ZPBP: variants seen among roughly 807,000 people sequenced by gnomAD.
ZPBP encodes the protein zona pellucida-binding protein 1.
In ZPBP, 26 loss-of-function variants were observed where a neutral mutation model predicts 44.8. The observed-to-expected ratio is 0.58, with a 90% confidence interval of 0.43 to 0.81. ZPBP has a LOEUF of 0.81. ZPBP is among the 30% of genes least tolerant of loss of function. The probability of loss-of-function intolerance (pLI) is 0.00; values close to 1 mark genes in which losing one functional copy is unlikely to be tolerated. For missense variants in ZPBP, 409 were observed against 434.0 expected (o/e 0.94, Z 0.51); for synonymous variants, 174 against 153.2 (o/e 1.14, Z -1.00).
At chr7:50,077,668 G>A (rs1349547764) in intron 3 of ZPBP, among the ~76,000 whole-genome samples, 1 of 151,852 alleles carries the variant, frequency 6.6e-6, no homozygotes, top group Non-Finnish European at 1.5e-5. Context: ...AATCGTCAAA[G>A]AAATGCAAAT....
chr7:49,880,095 C>A (rs982309418), intron 2 of ZPBP, among the ~76,000 whole-genome samples: 1 of 152,072 alleles, frequency 6.6e-6, no homozygotes, highest in Non-Finnish European at 1.5e-5. Flanking sequence ...ATAATAACTC[C>A]CGTTAGATTT....
At chr7:49,980,538 A>G (rs187668609) in intron 7 of ZPBP, among the ~76,000 whole-genome samples, 7 of 151,806 alleles carry the variant, frequency 4.6e-5, no homozygotes, top group Admixed American at 2.0e-4. Flanking sequence ...GCATTCGGTG[A>G]GGGCCTCGGG....
chr7:49,902,259 T>C (rs1356089123), intron 1 of ZPBP, among the ~76,000 whole-genome samples: 2 of 151,866 alleles, frequency 1.3e-5, no homozygotes, highest in Non-Finnish European at 2.9e-5. Context: ...AACCACAGAC[T>C]GGAAGAAAAC....
chr7:50,045,938 C>T (rs1206466872), intron 4 of ZPBP, among the ~76,000 whole-genome samples: 1 of 151,978 alleles, frequency 6.6e-6, no homozygotes, highest in Non-Finnish European at 1.5e-5. Context: ...GGTACTGGTA[C>T]CAAAACAGAT....
rs553550846 is a variant in ZPBP at position 49,904,735 on chromosome 7, A to C, written n.412-3520T>G. 2.2e-3 allele frequency among the ~76,000 whole-genome samples: 228 copies of C among 101,842 alleles called. 3 individuals are homozygous for C. The highest frequency in any genetic ancestry group is 7.5e-3 in the African/African-American group (219 of 29,274). 66.8% of individuals were successfully genotyped at this position (101,842 alleles called of 152,430 possible). A position where few individuals can be genotyped will look rare whatever the true frequency, so the allele number is the denominator to read the frequency against. On this transcript the variant is annotated intron_variant and non_coding_transcript_variant, in intron 1 of 2. Coordinates refer to the ZPBP transcript ENST00000465922. ...AAAAAATAGCAACATAGCATATATT[A>C]ATTTTTTTTTTTTTTTTTGAGATGG...
intron 5 of ZPBP, among the ~76,000 whole-genome samples, chr7:50,022,873 G>A (rs981514239): frequency 2.0e-5 from 3 of 152,054 alleles, no homozygotes; most frequent in Non-Finnish European, 2.9e-5. Flanking sequence ...GAAGTTCAGA[G>A]TGGACAAGCT....
intron 6 of ZPBP, among the ~76,000 whole-genome samples, chr7:49,991,866 T>C (rs1482335776): frequency 5.3e-5 from 8 of 151,898 alleles, no homozygotes; most frequent in Non-Finnish European, 2.9e-5. Flanking sequence ...ACACAGATTT[T>C]GTGTAGACAC....
At chr7:50,051,741 T>C (rs1800708171) in intron 4 of ZPBP, among the ~76,000 whole-genome samples, 1 of 151,974 alleles carries the variant, frequency 6.6e-6, no homozygotes, top group African/African-American at 2.4e-5. Context: ...TTCTCACTTA[T>C]AAGTGGGAGC....
intron 3 of ZPBP, among the ~76,000 whole-genome samples, chr7:50,068,787 C>T (rs1801673414): frequency 6.6e-6 from 1 of 152,164 alleles, no homozygotes; most frequent in Non-Finnish European, 1.5e-5. Context: ...TTACAAACAC[C>T]ATATTCACAA....
chr7:49,912,358 T>C, intron 1 of ZPBP: 4 of 619,562 alleles, frequency 6.5e-6, no homozygotes, highest in Non-Finnish European at 1.0e-5. Context: ...GAAATGGATA[T>C]ATTTCAAAAC....
At chr7:49,932,237 G>A (rs1393803153) in intron 1 of ZPBP, among the ~76,000 whole-genome samples, 2 of 152,208 alleles carry the variant, frequency 1.3e-5, no homozygotes, top group Non-Finnish European at 2.9e-5. Flanking sequence ...CCCAACCCCA[G>A]AATGGTAGAA....
At chr7:50,050,135 A>G (rs927077278) in intron 4 of ZPBP, among the ~76,000 whole-genome samples, 7 of 152,150 alleles carry the variant, frequency 4.6e-5, no homozygotes, top group African/African-American at 1.7e-4. Context: ...TACCATGCTC[A>G]TAAACTAGAA....
At chr7:50,083,815 C>T (rs769602987) in intron 2 of ZPBP, among the ~76,000 whole-genome samples, 79 of 151,650 alleles carry the variant, frequency 5.2e-4, no homozygotes, top group Non-Finnish European at 9.4e-4. Flanking sequence ...TACCTCTTAC[C>T]GTATATAAAA....
chr7:49,987,402 A>G (rs1235927905), intron 6 of ZPBP, among the ~76,000 whole-genome samples: 1 of 152,136 alleles, frequency 6.6e-6, no homozygotes, highest in Non-Finnish European at 1.5e-5. Context: ...TGGGTGCATG[A>G]GAGGCCCCAA....
chr7:49,882,344 TAGAAAA>T (rs1791704428), intron 2 of ZPBP, among the ~76,000 whole-genome samples: 1 of 152,102 alleles, frequency 6.6e-6, no homozygotes, highest in African/African-American at 2.4e-5. Context: ...AAAAGCAAAT[TAGAAAA>T]AGAAAAACAT....
At chr7:49,930,585 CG>C (rs747793401) in intron 1 of ZPBP, among the ~76,000 whole-genome samples, 72 of 152,122 alleles carry the variant, frequency 4.7e-4, no homozygotes, top group Non-Finnish European at 4.7e-4. Flanking sequence ...GACTTAAAAA[CG>C]ATACTGGAGA....
At chr7:50,026,976 G>A (rs1799366087) in intron 5 of ZPBP, among the ~76,000 whole-genome samples, 1 of 151,956 alleles carries the variant, frequency 6.6e-6, no homozygotes, top group South Asian at 2.1e-4. Context: ...AATAGACAGA[G>A]CCAAATTCTA....
At chr7:50,042,980 C>G (rs535423479) in intron 4 of ZPBP, among the ~76,000 whole-genome samples, 12 of 152,256 alleles carry the variant, frequency 7.9e-5, no homozygotes, top group Middle Eastern at 3.4e-3. Context: ...TTGACATGCT[C>G]GTGATGGCCA....
At position 50,056,540 on chromosome 7, in the gene ZPBP, G is replaced by A. The variant is rs2128829118; in HGVS notation, c.487+1449C>T. 3 of 152,242 alleles carry A rather than the reference G, an allele frequency of 2.0e-5. No individual in the cohort carries two copies. In the South Asian group the frequency reaches 6.2e-4, roughly 32 times the overall value. 9.4% of individuals were successfully genotyped at this position (152,242 alleles called of 1,614,324 possible). On this transcript the variant is annotated intron_variant, in intron 4 of 7. Coordinates refer to ENST00000046087, the MANE Select transcript of ZPBP (RefSeq NM_007009.3). The stretch of plus-strand genomic sequence containing the variant: ...GCCATGTAGGGCAACACACTTACAT[G>A]TTCTGGATATGACTAGATATGGACA...
Sources: gnomAD v4.1 joint callset for allele counts (sites outside exome capture counted in the v4.1 genomes callset) on GRCh38, gnomAD v4.1.1 for gene constraint, MANE v1.5 for transcripts, NCBI Gene and HGNC (gene_info 2026-07-23, HGNC 2026-07-21) for gene names.